The following NRG3 variants were observed in gnomAD, a reference collection of about 807,000 sequenced individuals.
NRG3 encodes neuregulin 3.
NRG3 carries 31 observed loss-of-function variants against 66.9 expected under a neutral mutation model. The ratio of observed to expected loss-of-function variants is 0.46; its 90% CI spans 0.35 to 0.63. NRG3 has a LOEUF of 0.63. Ranked by LOEUF, NRG3 falls within the 20% of genes least tolerant of loss-of-function variation. The probability of loss-of-function intolerance (pLI) is 0.00; values close to 1 mark genes in which losing one functional copy is unlikely to be tolerated. For synonymous variants in NRG3, 393 were observed against 359.4 expected (o/e 1.09, Z -1.06); for missense variants, 910 against 878.9 (o/e 1.04, Z -0.45).
In NRG3 at chr10:82,986,414, G is replaced by A. The variant is rs191931526; in HGVS notation, c.*809G>A. The A allele has an allele frequency of 5.3e-5, 8 of 152,280 alleles. No individual in the cohort carries two copies. The highest frequency in any genetic ancestry group is 7.3e-5 in the Non-Finnish European group (5 of 68,036). 9.4% of individuals were successfully genotyped at this position (152,280 alleles called of 1,614,324 possible). On this transcript the variant is annotated 3_prime_UTR_variant, in exon 9 of 9. Coordinates refer to ENST00000372141, the MANE Select transcript of NRG3 (RefSeq NM_001010848.4). Reference sequence around the variant, plus strand: ...CGTGTGTGTGTGTGGACTTGCTCACGCGGGCACATATGCTGTAAGCACATG... The same window carrying A: ...CGTGTGTGTGTGTGGACTTGCTCACACGGGCACATATGCTGTAAGCACATG...
At chr10:81,967,639 G>C (rs1396683954) in intron 1 of NRG3, among the ~76,000 whole-genome samples, 1 of 152,022 alleles carries the variant, frequency 6.6e-6, no homozygotes, top group African/African-American at 2.4e-5. Flanking sequence ...GAGTGAGTGT[G>C]CCAATTTCCT....
intron 1 of NRG3, among the ~76,000 whole-genome samples, chr10:82,023,050 A>G (rs2062132959): frequency 6.6e-6 from 1 of 151,672 alleles, no homozygotes. Context: ...GGTTGGGAAC[A>G]TTCCTTATGT....
At chr10:82,248,156 G>T (rs1258149290) in intron 1 of NRG3, among the ~76,000 whole-genome samples, 1 of 152,114 alleles carries the variant, frequency 6.6e-6, no homozygotes, top group African/African-American at 2.4e-5. Flanking sequence ...ACAGGCAGCA[G>T]GGAATTCCTT....
In NRG3 at chr10:82,119,880, A is replaced by G. The variant is rs534139884; in HGVS notation, c.824-238859A>G. On this transcript the variant is annotated intron_variant, in intron 1 of 8. Coordinates refer to ENST00000372141, the MANE Select transcript of NRG3 (RefSeq NM_001010848.4). ...AGCACCTCTTGTCCTCCTTTCTGCC[A>G]TCCTTGAATAGAAATGATATGGCTG... Among the ~76,000 whole-genome samples the G allele has an allele frequency of 2.6e-5, 4 of 152,194 alleles. No individual in the cohort carries two copies. The South Asian group carries it at 6.2e-4, about 24-fold the overall frequency.
intron 3 of NRG3, among the ~76,000 whole-genome samples, chr10:82,775,258 C>T (rs1401994463): frequency 2.7e-5 from 4 of 149,744 alleles, no homozygotes; most frequent in African/African-American, 9.8e-5. Flanking sequence ...ATAAAGATTC[C>T]TCTAGAACTG....
At chr10:82,526,590 G>A (rs1163646829) in intron 2 of NRG3, among the ~76,000 whole-genome samples, 1 of 151,844 alleles carries the variant, frequency 6.6e-6, no homozygotes, top group Non-Finnish European at 1.5e-5. Flanking sequence ...AAAGAAAGGT[G>A]TAGCTATAAA....
chr10:82,079,941 TATAA>T (rs1481805849), intron 1 of NRG3, among the ~76,000 whole-genome samples: 1 of 152,202 alleles, frequency 6.6e-6, no homozygotes, highest in African/African-American at 2.4e-5. Flanking sequence ...ATCAAGCTGC[TATAA>T]ATAAAGAAAT....
chr10:82,745,820 A>G (rs1490093685), intron 3 of NRG3, among the ~76,000 whole-genome samples: 5 of 152,132 alleles, frequency 3.3e-5, no homozygotes, highest in Non-Finnish European at 1.5e-5. Context: ...ATAACCACTG[A>G]TAATCAATTC....
At chr10:82,777,901 C>A (rs1318610522) in intron 3 of NRG3, among the ~76,000 whole-genome samples, 1 of 152,180 alleles carries the variant, frequency 6.6e-6, no homozygotes, top group African/African-American at 2.4e-5. Flanking sequence ...ACAAAGGTAT[C>A]TTCATTGCCC....
At chr10:81,943,070 ATT>A in intron 1 of NRG3, among the ~76,000 whole-genome samples, 1 of 152,184 alleles carries the variant, frequency 6.6e-6, no homozygotes, top group East Asian at 1.9e-4. Flanking sequence ...TACATCTCTT[ATT>A]TATTTAAATT....
intron 3 of NRG3, among the ~76,000 whole-genome samples, chr10:82,760,286 G>T (rs770013321): frequency 6.6e-6 from 1 of 152,032 alleles, no homozygotes; most frequent in Non-Finnish European, 1.5e-5. Flanking sequence ...GGTCTCTAAA[G>T]AATAACTCAT....
At chr10:82,186,464 C>G (rs1312072208) in intron 1 of NRG3, among the ~76,000 whole-genome samples, 1 of 152,182 alleles carries the variant, frequency 6.6e-6, no homozygotes, top group East Asian at 1.9e-4. Context: ...GCTGTGACCA[C>G]TGAGGTCCAC....
intron 4 of NRG3, among the ~76,000 whole-genome samples, chr10:82,922,167 A>G (rs1846489453): frequency 6.6e-6 from 1 of 152,058 alleles, no homozygotes; most frequent in South Asian, 2.1e-4. Flanking sequence ...AATATTCTAT[A>G]TATATATATG....
intron 2 of NRG3, among the ~76,000 whole-genome samples, chr10:82,466,744 G>A (rs986582827): frequency 6.6e-6 from 1 of 152,068 alleles, no homozygotes; most frequent in Non-Finnish European, 1.5e-5. Context: ...TGAGAATAGG[G>A]TGAATGGAAG....
intron 4 of NRG3, among the ~76,000 whole-genome samples, chr10:82,929,277 C>A (rs1413377338): frequency 2.6e-5 from 4 of 152,162 alleles, no homozygotes; most frequent in Non-Finnish European, 4.4e-5. Flanking sequence ...TGACAACTGT[C>A]TTAACTCTGT....
chr10:82,557,591 T>A (rs2348330), intron 2 of NRG3, among the ~76,000 whole-genome samples: 119 of 152,330 alleles, frequency 7.8e-4, no homozygotes, highest in African/African-American at 2.7e-3. Context: ...CTGTTTACAC[T>A]GTTGATAGTT....
chr10:82,762,584 C>G (rs535356532), intron 3 of NRG3, among the ~76,000 whole-genome samples: 8 of 152,056 alleles, frequency 5.3e-5, no homozygotes. Flanking sequence ...TCAGTTCTTC[C>G]GTATACATAT....
chr10:82,696,761 C>G lies in NRG3; in HGVS notation c.954-41816C>G, dbSNP rs202091344. Among the ~76,000 whole-genome samples, 8 of 152,244 alleles carry G rather than the reference C, an allele frequency of 5.3e-5. No individual in the cohort carries two copies. In the East Asian group the frequency reaches 1.4e-3, roughly 26 times the overall value. On this transcript the variant is annotated intron_variant, in intron 2 of 8. Coordinates refer to ENST00000372141, the MANE Select transcript of NRG3 (RefSeq NM_001010848.4). Reference sequence around the variant, plus strand: ...AGAATGCTCACAGGAGTGTGTTCAACTTTACCTGGGAAAAAGAAAATGAGC... The same window carrying G: ...AGAATGCTCACAGGAGTGTGTTCAAGTTTACCTGGGAAAAAGAAAATGAGC...
intron 2 of NRG3, among the ~76,000 whole-genome samples, chr10:82,731,363 T>C: frequency 1.6e-5 from 1 of 63,002 alleles, no homozygotes; most frequent in Non-Finnish European, 3.3e-5. Context: ...AGATACTCTG[T>C]CTCAAAAAAA....
Sources: gnomAD v4.1 joint callset for allele counts (sites outside exome capture counted in the v4.1 genomes callset) on GRCh38, gnomAD v4.1.1 for gene constraint, MANE v1.5 for transcripts, NCBI Gene and HGNC (gene_info 2026-07-23, HGNC 2026-07-21) for gene names.